RGS6: variants seen among roughly 807,000 people sequenced by gnomAD.
The protein encoded by RGS6 is regulator of G protein signaling 6.
RGS6 carries 30 observed loss-of-function variants against 78.5 expected under a neutral mutation model. That is an observed-to-expected ratio of 0.38 (90% CI 0.29 to 0.52). The LOEUF (loss-of-function observed/expected upper bound fraction) is 0.52. Among genes scored for constraint, RGS6 ranks in the 20% least tolerant of loss-of-function variants. The pLI is 0.85. For synonymous variants in RGS6, 206 were observed against 206.0 expected (o/e 1.00, Z 0.00); for missense variants, 495 against 609.7 (o/e 0.81, Z 1.98).
intron 2 of RGS6, among the ~76,000 whole-genome samples, chr14:72,203,121 C>A (rs753194487): frequency 6.6e-6 from 1 of 152,036 alleles, no homozygotes; most frequent in African/African-American, 2.4e-5. Context: ...ATGATCTGCC[C>A]GCCTCGGCCT....
the RGS6 span, among the ~76,000 whole-genome samples, chr14:72,590,254 T>C: frequency 6.6e-6 from 1 of 152,236 alleles, no homozygotes; most frequent in East Asian, 1.9e-4. Flanking sequence ...TGAAACAGCC[T>C]CTTACCACAT....
the RGS6 span, among the ~76,000 whole-genome samples, chr14:71,892,415 T>C: frequency 6.6e-6 from 1 of 152,234 alleles, no homozygotes; most frequent in African/African-American, 2.4e-5. Context: ...AGGTTTTCCT[T>C]TCCAGGCTTC....
chr14:72,470,182 G>A (rs184268794), intron 8 of RGS6, 99 bp downstream of exon 8: 59 of 875,546 alleles, frequency 6.7e-5, no homozygotes, highest in African/African-American at 4.3e-4. Flanking sequence ...TCCAGATGGC[G>A]TTAGTATTTC....
intron 2 of RGS6, among the ~76,000 whole-genome samples, chr14:72,177,420 A>T (rs1393749220): frequency 6.6e-6 from 1 of 152,200 alleles, no homozygotes; most frequent in Non-Finnish European, 1.5e-5. Context: ...TGGTGCAGAA[A>T]GGCAGGATGC....
chr14:72,044,552 C>T (rs1050212427), intron 2 of RGS6, among the ~76,000 whole-genome samples: 1 of 152,154 alleles, frequency 6.6e-6, no homozygotes, highest in Non-Finnish European at 1.5e-5. Context: ...AGACATTCAT[C>T]TGCTTCTGAT....
intron 3 of RGS6, among the ~76,000 whole-genome samples, chr14:72,355,785 C>T (rs1388424165): frequency 2.6e-5 from 4 of 152,034 alleles, no homozygotes; most frequent in Non-Finnish European, 4.4e-5. Context: ...TGAGTAAAGA[C>T]GGAAAGGAGA....
At chr14:72,064,074 T>C (rs1331227022) in intron 2 of RGS6, among the ~76,000 whole-genome samples, 1 of 151,854 alleles carries the variant, frequency 6.6e-6, no homozygotes, top group African/African-American at 2.4e-5. Flanking sequence ...GTAATCATGG[T>C]CATAGTTTTG....
chr14:72,262,761 C>T (rs2058388353), intron 2 of RGS6, among the ~76,000 whole-genome samples: 1 of 152,208 alleles, frequency 6.6e-6, no homozygotes, highest in African/African-American at 2.4e-5. Flanking sequence ...CTCAAACTAG[C>T]TGAAGCAAAA....
At chr14:72,599,431 CAG>C in the RGS6 span, among the ~76,000 whole-genome samples, 131 of 60,436 alleles carry the variant, frequency 2.2e-3, no homozygotes, top group East Asian at 0.022. Flanking sequence ...TTTTTTGAGA[CAG>C]AGTCTTGCTT....
chr14:72,495,877 T>C (rs1193517175), intron 13 of RGS6, among the ~76,000 whole-genome samples: 1 of 152,134 alleles, frequency 6.6e-6, no homozygotes, highest in Non-Finnish European at 1.5e-5. Flanking sequence ...TGTGTTTACT[T>C]AAGAGGGGAG....
intron 2 of RGS6, among the ~76,000 whole-genome samples, chr14:72,182,135 C>T (rs1220388385): frequency 3.3e-5 from 5 of 152,040 alleles, no homozygotes; most frequent in African/African-American, 4.8e-5. Flanking sequence ...TTAGGCCAGG[C>T]GCAGTGGCTC....
intron 2 of RGS6, among the ~76,000 whole-genome samples, chr14:72,069,737 A>C (rs1354627567): frequency 1.3e-5 from 2 of 151,984 alleles, no homozygotes; most frequent in Non-Finnish European, 2.9e-5. Flanking sequence ...ACGGGGTTTC[A>C]CCATGTTGGC....
intron 2 of RGS6, among the ~76,000 whole-genome samples, chr14:72,193,618 A>T (rs1244663704): frequency 6.6e-6 from 1 of 152,242 alleles, no homozygotes; most frequent in African/African-American, 2.4e-5. Flanking sequence ...TTTTACTTCC[A>T]GTAATATGTG....
At chr14:72,388,344 G>A (rs2088913679) in intron 3 of RGS6, among the ~76,000 whole-genome samples, 2 of 152,176 alleles carry the variant, frequency 1.3e-5, no homozygotes, top group Admixed American at 1.3e-4. Flanking sequence ...ATGTGCTGAT[G>A]AGATCAATGG....
At chr14:72,125,362 G>A (rs1339583462) in intron 2 of RGS6, among the ~76,000 whole-genome samples, 6 of 152,176 alleles carry the variant, frequency 3.9e-5, no homozygotes, top group Admixed American at 2.0e-4. Flanking sequence ...TGTGCTGTGC[G>A]TGTACTGGTG....
intron 2 of RGS6, among the ~76,000 whole-genome samples, chr14:72,160,178 G>A (rs2096833037): frequency 6.6e-6 from 1 of 151,992 alleles, no homozygotes; most frequent in South Asian, 2.1e-4. Context: ...CCTCTTCCCT[G>A]GGCAACTGGA....
intron 3 of RGS6, among the ~76,000 whole-genome samples, chr14:72,368,498 A>C (rs2082841235): frequency 6.6e-6 from 1 of 152,202 alleles, no homozygotes; most frequent in African/African-American, 2.4e-5. Flanking sequence ...CCAAAGAACA[A>C]GAAACAGCCT....
At chr14:72,148,454 G>A (rs2096638318) in intron 2 of RGS6, among the ~76,000 whole-genome samples, 3 of 152,184 alleles carry the variant, frequency 2.0e-5, no homozygotes, top group Admixed American at 1.3e-4. Context: ...TGGGTTTTAA[G>A]CAGTAAACAT....
chr14:72,474,095 T>C (rs2096167550), intron 9 of RGS6: 1 of 152,318 alleles, frequency 6.6e-6, no homozygotes, highest in Non-Finnish European at 1.5e-5. Flanking sequence ...AACTACTGAG[T>C]AAGGAGTTAT....
Sources: allele counts gnomAD v4.1 joint callset (sites outside exome capture counted in the v4.1 genomes callset), GRCh38; gene constraint gnomAD v4.1.1; transcripts MANE v1.5; gene names NCBI Gene and HGNC (gene_info 2026-07-23, HGNC 2026-07-21).